Variants in SAP130 observed in about 807,000 individuals in gnomAD.
SAP130 encodes Sin3A associated protein 130.
In SAP130, 16 loss-of-function variants were observed where a neutral mutation model predicts 103.2. That is an observed-to-expected ratio of 0.16 (90% CI 0.10 to 0.24). SAP130 has a LOEUF of 0.24. SAP130 is among the 10% of genes least tolerant of loss of function. SAP130 has a pLI of 1.00. For missense variants in SAP130, 990 were observed against 1,359.7 expected (o/e 0.73, Z 4.28); for synonymous variants, 477 against 497.0 (o/e 0.96, Z 0.53).
chr2:128,027,393 A>G (rs935065218), intron 1 of SAP130: 8 of 1,137,370 alleles, frequency 7.0e-6, no homozygotes, highest in African/African-American at 5.0e-5. Context: ...CTGCACGTTC[A>G]GAGCCCGCCC....
intron 7 of SAP130, among the ~76,000 whole-genome samples, chr2:128,009,797 T>C (rs1020822561): frequency 6.6e-6 from 1 of 152,210 alleles, no homozygotes; most frequent in Admixed American, 6.5e-5. Context: ...TCCTTATAAG[T>C]GGCAAACACA....
intron 15 of SAP130, among the ~76,000 whole-genome samples, chr2:127,965,765 G>A (rs1680611634): frequency 6.6e-6 from 1 of 151,992 alleles, no homozygotes; most frequent in African/African-American, 2.4e-5. Context: ...ACTCCAGACT[G>A]GGCGACAGAG....
intron 15 of SAP130, among the ~76,000 whole-genome samples, chr2:127,970,283 C>T (rs1205084366): frequency 6.7e-6 from 1 of 149,568 alleles, no homozygotes; most frequent in East Asian, 2.0e-4. Context: ...TGGCTCATGC[C>T]TGTAATCCCA....
intron 14 of SAP130, among the ~76,000 whole-genome samples, chr2:127,978,952 C>A (rs1400958023): frequency 6.6e-6 from 1 of 152,158 alleles, no homozygotes; most frequent in Non-Finnish European, 1.5e-5. Flanking sequence ...GAACTGAGTT[C>A]TTTAAGAAGA....
At chr2:127,974,536 G>A (rs547178291) in intron 15 of SAP130, among the ~76,000 whole-genome samples, 39 of 152,194 alleles carry the variant, frequency 2.6e-4, no homozygotes, top group African/African-American at 8.4e-4. Flanking sequence ...ATTTCTGGCC[G>A]GGCGCGGTGG....
chr2:127,992,444 C>T (rs1177960710), intron 12 of SAP130, among the ~76,000 whole-genome samples: 1 of 151,962 alleles, frequency 6.6e-6, no homozygotes, highest in Non-Finnish European at 1.5e-5. Flanking sequence ...CCGTGCCTGG[C>T]TAATTTTGTA....
rs1213478515 is a variant in SAP130 at position 128,028,050 on chromosome 2, C to G, written c.-117G>C. ...CGGACCCGCAGCCACCGCCGGGGAG[C>G]TAGCACTCTGCCCCCCACCCCTCAC... is the stretch of plus-strand genomic sequence containing the variant. On this transcript the variant is annotated 5_prime_UTR_variant, in exon 1 of 21. Transcript: ENST00000643581. 5 of 880,060 alleles carry G rather than the reference C, an allele frequency of 5.7e-6. No homozygotes were observed. The highest frequency in any genetic ancestry group is 6.8e-6 in the Non-Finnish European group (5 of 733,390). The allele number at this position is 880,060 out of a possible 1,614,324, so 54.5% of individuals were successfully genotyped here.
intron 15 of SAP130, among the ~76,000 whole-genome samples, chr2:127,959,576 T>C (rs1680094350): frequency 6.6e-6 from 1 of 152,142 alleles, no homozygotes; most frequent in Non-Finnish European, 1.5e-5. Context: ...CTGGTGTAGT[T>C]TGAGAGGAGG....
chr2:127,966,528 C>A (rs1475332146), intron 15 of SAP130, among the ~76,000 whole-genome samples: 1 of 151,666 alleles, frequency 6.6e-6, no homozygotes, highest in African/African-American at 2.4e-5. Context: ...CATGGTGAAA[C>A]CCTGTCTCTA....
chr2:127,963,827 T>C (rs988290011), intron 15 of SAP130, among the ~76,000 whole-genome samples: 10 of 152,228 alleles, frequency 6.6e-5, no homozygotes, highest in African/African-American at 2.2e-4. Context: ...TTGCTCCTCC[T>C]TGCCTTCTGC....
At chr2:128,012,713 T>C (rs973189181) in intron 6 of SAP130, among the ~76,000 whole-genome samples, 3 of 151,706 alleles carry the variant, frequency 2.0e-5, no homozygotes, top group Non-Finnish European at 2.9e-5. Context: ...CCAATCCAAA[T>C]TAAAATCCCT....
intron 10 of SAP130, among the ~76,000 whole-genome samples, chr2:127,997,880 G>A (rs758319840): frequency 2.6e-5 from 4 of 152,152 alleles, no homozygotes; most frequent in East Asian, 1.9e-4. Flanking sequence ...TTGGGAGGCC[G>A]AGGCGAGCAG....
intron 1 of SAP130, chr2:128,027,465 C>T: frequency 1.0e-6 from 1 of 967,750 alleles, no homozygotes. Flanking sequence ...CCAAACCCCT[C>T]GAGGCTGAGC....
Position 127,969,967 on chromosome 2 carries a change from C to T in SAP130, c.2063+8018G>A, listed in dbSNP as rs535250986. On this transcript the variant is annotated intron_variant, in intron 15 of 20. Transcript: ENST00000643581. ...TATTTAGGCCAGACGCAGTGGCTCA[C>T]GCCTGTAATACCAGCACTCTGGGAG... Among the ~76,000 whole-genome samples the T allele has an allele frequency of 1.5e-4, 23 of 152,174 alleles. No homozygotes were observed. The South Asian group carries it at 4.2e-3, about 27-fold the overall frequency.
At position 128,016,272 on chromosome 2, in the gene SAP130, A is replaced by C. The variant is rs1684769121; in HGVS notation, c.507+117T>G. The C allele has an allele frequency of 5.8e-6, 6 of 1,042,192 alleles. No homozygotes were observed. In the South Asian group the frequency reaches 7.8e-5, roughly 14 times the overall value. 64.6% of individuals were successfully genotyped at this position (1,042,192 alleles called of 1,614,324 possible). ...CCTACTATCTTCACTTGCAGGTATC[A>C]GTGACTGTTTGATCTTTTTTTATTA... On this transcript the variant is annotated intron_variant, in intron 4 of 20. Coordinates refer to ENST00000643581, the MANE Select transcript of SAP130 (RefSeq NM_001330301.2).
rs1010684452 is a variant in SAP130 at position 127,996,582 on chromosome 2, A to C, written c.1214-91T>G. ...TGGCTAGCAGCAATCTTAGGAAAGC[A>C]AACAATTAAAATAAGCCTGGATTTT... On this transcript the variant is annotated intron_variant, in intron 10 of 20. Coordinates refer to ENST00000643581, the MANE Select transcript of SAP130 (RefSeq NM_001330301.2). This position sits in a 1 kb window ranked among gnomAD's most constrained non-coding sequence, Gnocchi z 4.3. The C allele has an allele frequency of 8.6e-7, 1 of 1,167,536 alleles. No homozygotes were observed. Among genetic ancestry groups the C allele is most frequent in the African/African-American group, 1.6e-5 (1 of 63,268 alleles). 72.3% of individuals were successfully genotyped at this position (1,167,536 alleles called of 1,614,324 possible).
chr2:128,020,680 G>A (rs1256480075), intron 2 of SAP130, among the ~76,000 whole-genome samples: 2 of 152,136 alleles, frequency 1.3e-5, no homozygotes, highest in East Asian at 3.8e-4. Flanking sequence ...GAACTACTGG[G>A]TAGAGAATAC....
intron 2 of SAP130, 107 bp from the exon 3 acceptor site, chr2:128,018,022 G>A: frequency 1.1e-6 from 1 of 879,020 alleles, no homozygotes; most frequent in Non-Finnish European, 1.7e-6. Context: ...TGACAAAGTG[G>A]CCATTTCCTT....
intron 14 of SAP130, among the ~76,000 whole-genome samples, chr2:127,982,805 GA>G (rs1318557026): frequency 6.6e-6 from 1 of 152,162 alleles, no homozygotes; most frequent in Non-Finnish European, 1.5e-5. Flanking sequence ...TCTGAATCAG[GA>G]AGAGCAGAGA....
Sources: allele counts gnomAD v4.1 joint callset (sites outside exome capture counted in the v4.1 genomes callset), GRCh38; gene constraint gnomAD v4.1.1; non-coding constraint Gnocchi (gnomAD v3.1); transcripts MANE v1.5; gene names NCBI Gene and HGNC (gene_info 2026-07-23, HGNC 2026-07-21).